The following EVI2B variants were observed in gnomAD, a reference collection of about 807,000 sequenced individuals.
The protein encoded by EVI2B is ecotropic viral integration site 2B, also known as protein EVI2B.
Under a neutral mutation model 6.6 loss-of-function variants are expected in EVI2B, and 4 were observed. The ratio of observed to expected loss-of-function variants is 0.61; its 90% CI spans 0.30 to 1.39. EVI2B has a LOEUF of 1.39. Among genes scored for constraint, EVI2B ranks in the 40% most tolerant of loss-of-function variants. The pLI, the probability that EVI2B is intolerant of heterozygous loss-of-function variation, is 0.08. For missense variants in EVI2B, 484 were observed against 516.6 expected, an observed-to-expected ratio of 0.94 and a Z score of 0.61; for synonymous variants, 181 against 186.8, an observed-to-expected ratio of 0.97 and a Z score of 0.25.
intron 1 of EVI2B, among the ~76,000 whole-genome samples, chr17:31,310,378 A>G (rs773261017): frequency 4.6e-5 from 7 of 152,092 alleles, no homozygotes; most frequent in Admixed American, 2.0e-4. Flanking sequence ...CAGTGGTTAT[A>G]TAATTAGCAA....
At chr17:31,313,095 A>C (rs548162481) in intron 1 of EVI2B, among the ~76,000 whole-genome samples, 1 of 152,242 alleles carries the variant, frequency 6.6e-6, no homozygotes, top group East Asian at 1.9e-4. Flanking sequence ...ATCATTATTA[A>C]ATATAAAATC....
intron 1 of EVI2B, chr17:31,307,744 TCTTAACA>T: frequency 2.1e-6 from 1 of 477,972 alleles, no homozygotes; most frequent in Non-Finnish European, 3.5e-6. Context: ...TTTGGTTATC[TCTTAACA>T]TTAGGGAATA....
rs2068958126 is a variant in EVI2B, at chr17:31,313,977, A to G, written c.-22+2T>C. 5.0e-6 allele frequency: 2 copies of G among 398,066 alleles called. No individual in the cohort carries two copies. Among genetic ancestry groups the G allele is most frequent in the African/African-American group, 2.1e-5 (1 of 48,736 alleles). 24.7% of individuals were successfully genotyped at this position (398,066 alleles called of 1,614,324 possible). ...AACCAAATTGTGTGAAAATTTTCTT[A>G]CCTCAGCTGTTAACTTCTTTTGCAG... On this transcript the variant is annotated splice_donor_variant, in intron 1 of 1. Transcript: ENST00000330927. LOFTEE classifies it low-confidence loss of function (5UTR_SPLICE).
At chr17:31,312,233 G>T (rs909636291) in intron 1 of EVI2B, among the ~76,000 whole-genome samples, 2 of 152,138 alleles carry the variant, frequency 1.3e-5, no homozygotes, top group African/African-American at 4.8e-5. Flanking sequence ...TATGGGACCA[G>T]GCGCAGTGGT....
rs145277574 is a variant in EVI2B at position 31,308,371 on chromosome 17, C to G, written c.-21-2741G>C. Among the ~76,000 whole-genome samples the G allele has an allele frequency of 5.9e-4, 90 of 152,170 alleles. 2 individuals are homozygous for G. The East Asian group carries it at 0.017, about 28-fold the overall frequency. On this transcript the variant is annotated intron_variant, in intron 1 of 1. Transcript: ENST00000330927. ...GTCCAGACCGGTCTCGAACTCCTGA[C>G]CTCAAGTGATCTGTCCGCCTCAGCC...
rs757821196 is a variant in EVI2B, at chr17:31,304,523, C to A, written c.1087G>T (p.Val363Leu). ...GTAGAATCATTTGGAAGAGGAGATA[C>A]AATTGTCATTGTGGGTTTGTCAGAT... ...NQSDKPTMTI[V>L]SPLPNDSTSL... Residue 363 changes from valine to leucine, a missense_variant, in exon 2 of 2, where the codon GTA becomes TTA. Val to Leu is a conservative substitution (Grantham distance 32). Coordinates refer to ENST00000330927, the MANE Select transcript of EVI2B (RefSeq NM_006495.4). 3.7e-6 allele frequency: 6 copies of A among 1,614,038 alleles called. No individual in the cohort carries two copies. The highest frequency in any genetic ancestry group is 2.7e-5 in the African/African-American group (2 of 74,916).
At chr17:31,306,399 T>G (rs761733927) in intron 1 of EVI2B, among the ~76,000 whole-genome samples, 1 of 152,078 alleles carries the variant, frequency 6.6e-6, no homozygotes, top group Non-Finnish European at 1.5e-5. Context: ...TTTATATATA[T>G]AGATAGATAG....
chr17:31,310,255 A>C lies in EVI2B; in HGVS notation c.-22+3724T>G, dbSNP rs553214767. On this transcript the variant is annotated intron_variant, in intron 1 of 1. Transcript: ENST00000330927. ...GCAATGCAAAGAAATACAAAATAACACAAAAGAGAAAAAACAAAAACTCTA... is the reference window on the plus strand; with the variant it reads ...GCAATGCAAAGAAATACAAAATAACCCAAAAGAGAAAAAACAAAAACTCTA... Among the ~76,000 whole-genome samples, 9 of 152,328 alleles carry C rather than the reference A, an allele frequency of 5.9e-5. No homozygotes were observed. The South Asian group carries it at 1.9e-3, about 32-fold the overall frequency.
At chr17:31,306,712 T>C (rs1473460713) in intron 1 of EVI2B, among the ~76,000 whole-genome samples, 4 of 152,086 alleles carry the variant, frequency 2.6e-5, no homozygotes, top group African/African-American at 4.8e-5. Flanking sequence ...TTCAATCCAG[T>C]TGGTCAAGTA....
At chr17:31,313,740 G>A (rs1213737218) in intron 1 of EVI2B, among the ~76,000 whole-genome samples, 5 of 150,580 alleles carry the variant, frequency 3.3e-5, no homozygotes, top group Admixed American at 3.3e-4. Context: ...GTGTGTGTGT[G>A]TGTGTGTGTG....
chr17:31,305,404 T>G lies in EVI2B; in HGVS notation c.206A>C (p.Gln69Pro), dbSNP rs144434599. 1.7e-5 allele frequency: 28 copies of G among 1,614,070 alleles called. No individual in the cohort carries two copies. Among genetic ancestry groups the G allele is most frequent in the African/African-American group, 2.7e-5 (2 of 74,922 alleles). ...AGTGACTTTGGCAGGTGATATTGAT[T>G]GTCCAGAAAAAGTGTCGCTGAATTG... ...PTQFSDTFSG[Q>P]SISPAKVTAG... The change falls in exon 2 of 2, where the codon CAA becomes CCA. Residue 69 changes from glutamine to proline, a missense_variant. Physicochemically the swap from Gln to Pro is moderately conservative, Grantham distance 76 (BLOSUM62 -1). Coordinates refer to ENST00000330927, the MANE Select transcript of EVI2B (RefSeq NM_006495.4).
chr17:31,306,351 A>T (rs137972690), intron 1 of EVI2B, among the ~76,000 whole-genome samples: 1 of 151,734 alleles, frequency 6.6e-6, no homozygotes, highest in South Asian at 2.1e-4. Context: ...CTTTGTCCTA[A>T]TTCTATTTGT....
At chr17:31,308,240 C>T (rs1420779277) in intron 1 of EVI2B, among the ~76,000 whole-genome samples, 1 of 151,810 alleles carries the variant, frequency 6.6e-6, no homozygotes, top group Non-Finnish European at 1.5e-5. Flanking sequence ...TGGGTTCAAG[C>T]GATTCTTGTG....
In EVI2B at chr17:31,308,465, A is replaced by G. The variant is rs543094968; in HGVS notation, c.-21-2835T>C. ...CTGTTAAGATAAAACTTCTAAATTG[A>G]GTTTTCTTCCTTCTGGCTTGAGTTA... is the stretch of plus-strand genomic sequence containing the variant. On this transcript the variant is annotated intron_variant, in intron 1 of 1. Transcript: ENST00000330927. Among the ~76,000 whole-genome samples, 10 of 152,140 alleles carry G rather than the reference A, an allele frequency of 6.6e-5. No homozygotes were observed. In the South Asian group the frequency reaches 2.1e-3, roughly 32 times the overall value.
chr17:31,304,679 C>G lies in EVI2B; in HGVS notation c.931G>C (p.Asp311His), dbSNP rs139395003. 30 of 1,613,972 alleles carry G rather than the reference C, an allele frequency of 1.9e-5. No homozygotes were observed. Among genetic ancestry groups the G allele is most frequent in the Non-Finnish European group, 2.3e-5 (27 of 1,180,008 alleles). ...TCTTCTGATGTACCATTTACTTGAT[C>G]TTTTATTTTCTCTGTTTTGGGGTTG... ...SNNPKTEKIKDQVNGTSEDSA... is the reference protein window; with the variant it reads ...SNNPKTEKIKHQVNGTSEDSA... Residue 311 changes from aspartate (D) to histidine (H), a missense_variant, in exon 2 of 2, where the codon GAT (aspartate) becomes CAT (histidine). By Grantham distance (81) the Asp-to-His change is moderately conservative. Transcript: ENST00000330927.
chr17:31,307,184 G>A (rs979936574), intron 1 of EVI2B, among the ~76,000 whole-genome samples: 2 of 152,006 alleles, frequency 1.3e-5, no homozygotes, highest in Non-Finnish European at 2.9e-5. Context: ...ACCACGCCTG[G>A]CCTATTTTTG....
chr17:31,311,145 G>T (rs571617867), intron 1 of EVI2B, among the ~76,000 whole-genome samples: 6 of 151,952 alleles, frequency 3.9e-5, no homozygotes, highest in African/African-American at 1.2e-4. Flanking sequence ...TAGACATGGG[G>T]TTTCACCATG....
intron 1 of EVI2B, 150 bp downstream of exon 1, chr17:31,313,829 G>A (rs2068953484): frequency 2.7e-6 from 1 of 366,778 alleles, no homozygotes; most frequent in African/African-American, 2.1e-5. Flanking sequence ...GCTGAACTGA[G>A]TATTTTTTAA....
intron 1 of EVI2B, among the ~76,000 whole-genome samples, chr17:31,311,233 A>G (rs1047387093): frequency 2.6e-5 from 4 of 152,264 alleles, no homozygotes; most frequent in Non-Finnish European, 2.9e-5. Context: ...AATTATAGGC[A>G]TGAGCCACCG....
Sources: allele counts gnomAD v4.1 joint callset (sites outside exome capture counted in the v4.1 genomes callset), GRCh38; gene constraint gnomAD v4.1.1; transcripts MANE v1.5; gene names NCBI Gene and HGNC (gene_info 2026-07-23, HGNC 2026-07-21).